The following KCNT1 variants were observed in gnomAD, a reference collection of about 807,000 sequenced individuals.
KCNT1 encodes the protein potassium channel subfamily T member 1.
KCNT1 carries 78 observed loss-of-function variants against 147.8 expected under a neutral mutation model. The observed-to-expected ratio is 0.53, with a 90% CI of 0.44 to 0.64. The LOEUF (loss-of-function observed/expected upper bound fraction) is 0.64. Ranked by LOEUF, KCNT1 falls within the 30% of genes least tolerant of loss-of-function variation. KCNT1 has a pLI of 0.00. For missense variants in KCNT1, 1,419 were observed against 1,750.3 expected (o/e 0.81, Z 3.38); for synonymous variants, 867 against 748.8 (o/e 1.16, Z -2.58).
In KCNT1 at chr9:135,702,294, C is replaced by G. The variant is rs1442852201; in HGVS notation, c.36C>G (p.Gly12=). 24 of 1,609,060 alleles carry G rather than the reference C, an allele frequency of 1.5e-5. No homozygotes were observed. The highest frequency in any genetic ancestry group is 2.0e-5 in the Non-Finnish European group (24 of 1,178,098). ...CTGACGGGGCGCGGACCCCGGGGGG[C>G]GTCTGCCGGGAGGCGCGCGGCGGGG... ...PLPDGARTPG[G]VCREARGGGY... is the part of the protein sequence containing the mutation. The change falls in exon 1 of 31, where the codon GGC becomes GGG. Residue 12 remains glycine, a synonymous_variant. Transcript: ENST00000371757.
chr9:135,792,267 A>C lies in KCNT1; in HGVS notation c.*106A>C. On this transcript the variant is annotated 3_prime_UTR_variant, in exon 31 of 31. Coordinates refer to ENST00000371757, the MANE Select transcript of KCNT1 (RefSeq NM_020822.3). ...ACTAGCGTGACCCTGGGGATGGCACACTCTACTCACCATGGCTCCTGGGAC... is the reference window on the plus strand; with the variant it reads ...ACTAGCGTGACCCTGGGGATGGCACCCTCTACTCACCATGGCTCCTGGGAC... The C allele has an allele frequency of 7.3e-7, 1 of 1,362,024 alleles. No individual in the cohort carries two copies. The highest frequency in any genetic ancestry group is 1.4e-5 in the South Asian group (1 of 70,086). 84.4% of individuals were successfully genotyped at this position (1,362,024 alleles called of 1,614,324 possible).
At chr9:135,774,410 TG>T (rs1832991098) in intron 19 of KCNT1, among the ~76,000 whole-genome samples, 1 of 139,006 alleles carries the variant, frequency 7.2e-6, no homozygotes. Context: ...CGTGTGTGTG[TG>T]GTGTGTGTCT....
At position 135,740,290 on chromosome 9, in the gene KCNT1, C is replaced by T. The variant is rs528825430; in HGVS notation, c.255-9808C>T. 4.6e-5 allele frequency among the ~76,000 whole-genome samples: 7 copies of T among 152,294 alleles called. No homozygotes were observed. The South Asian group carries it at 1.5e-3, about 32-fold the overall frequency. On this transcript the variant is annotated intron_variant, in intron 2 of 30. Transcript: ENST00000371757. Reference sequence around the variant, plus strand: ...GCCTTTGTTGCGTGTGGGAACCTGCCGGGACCTGGCTGTGCTCTGGGCATT... The same window carrying T: ...GCCTTTGTTGCGTGTGGGAACCTGCTGGGACCTGGCTGTGCTCTGGGCATT...
intron 24 of KCNT1, among the ~76,000 whole-genome samples, chr9:135,782,248 C>G (rs951529730): frequency 6.6e-6 from 1 of 152,182 alleles, no homozygotes; most frequent in East Asian, 1.9e-4. Flanking sequence ...AAGGATGCTG[C>G]TGGTGGGGTG....
chr9:135,774,246 CGTGTGTGGT>C (rs373483354), intron 19 of KCNT1, among the ~76,000 whole-genome samples: 7,216 of 120,218 alleles, frequency 0.06, 585 homozygotes, highest in African/African-American at 0.21. Context: ...GGTGTGTGTC[CGTGTGTGGT>C]GTGTGTGGTG....
intron 28 of KCNT1, chr9:135,785,683 C>T (rs1833990144): frequency 1.9e-6 from 1 of 527,646 alleles, no homozygotes; most frequent in South Asian, 2.0e-5. Context: ...AGGTGCCACC[C>T]AGGTGGGATG....
chr9:135,787,869 C>T (rs1036183522), intron 29 of KCNT1, among the ~76,000 whole-genome samples: 4 of 152,168 alleles, frequency 2.6e-5, no homozygotes, highest in South Asian at 2.1e-4. Flanking sequence ...AGGATGATCC[C>T]GCCCGGTCTG....
At chr9:135,717,848 C>T (rs1166613789) in intron 2 of KCNT1, among the ~76,000 whole-genome samples, 1 of 152,240 alleles carries the variant, frequency 6.6e-6, no homozygotes, top group Non-Finnish European at 1.5e-5. Flanking sequence ...TTCCTCAAAC[C>T]TTCTTTGCCC....
At chr9:135,750,588 TC>T (rs1831096062) in intron 3 of KCNT1, 8 of 354,184 alleles carry the variant, frequency 2.3e-5, no homozygotes, top group Middle Eastern at 8.6e-4. Context: ...GGCATCATGC[TC>T]CCCCCGGGAT....
intron 2 of KCNT1, among the ~76,000 whole-genome samples, chr9:135,726,012 C>T (rs1243375736): frequency 6.6e-6 from 1 of 152,052 alleles, no homozygotes; most frequent in Admixed American, 6.5e-5. Flanking sequence ...TGTGGGGGCT[C>T]GGAGTGGCCA....
chr9:135,764,765 G>A (rs886734394), intron 11 of KCNT1, among the ~76,000 whole-genome samples: 4 of 152,048 alleles, frequency 2.6e-5, no homozygotes, highest in South Asian at 2.1e-4. Flanking sequence ...CCCCACCCTC[G>A]GTTTACTCCA....
intron 2 of KCNT1, among the ~76,000 whole-genome samples, chr9:135,717,973 G>GA: frequency 6.6e-6 from 1 of 152,348 alleles, no homozygotes; most frequent in East Asian, 1.9e-4. Flanking sequence ...ATGCTGACAG[G>GA]GGTCCTGAGG....
intron 9 of KCNT1, among the ~76,000 whole-genome samples, chr9:135,758,156 T>G (rs895774610): frequency 2.7e-5 from 4 of 145,620 alleles, no homozygotes; most frequent in Non-Finnish European, 6.0e-5. Flanking sequence ...CCCGTGGGCC[T>G]CAGCCGAGAC....
At position 135,752,568 on chromosome 9, in the gene KCNT1, A is replaced by G. The variant is rs1011463348; in HGVS notation, c.435-1369A>G. On this transcript the variant is annotated intron_variant, in intron 4 of 30. Transcript: ENST00000371757. This position sits in a 1 kb window ranked among gnomAD's most constrained non-coding sequence, Gnocchi z 5.1. ...CGTCCCCTAGCACAGCGTCCAGGAC[A>G]TGGATGGGGGTGGGAAGATGGGTGG... is the stretch of plus-strand genomic sequence containing the variant. The G allele has an allele frequency of 8.0e-6, 3 of 377,060 alleles. No individual in the cohort carries two copies. Among genetic ancestry groups the G allele is most frequent in the South Asian group, 1.9e-5 (1 of 51,360 alleles). The allele number at this position is 377,060 out of a possible 1,614,324, so 23.4% of individuals were successfully genotyped here.
In KCNT1 at chr9:135,730,314, A is replaced by G. The variant is rs1658668705; in HGVS notation, c.254+15594A>G. Reference sequence around the variant, plus strand: ...TGGGCCAAATAATGCTCCCCTGAAGATGTCCATGTCCTGATCCCAGAAACC... The same window carrying G: ...TGGGCCAAATAATGCTCCCCTGAAGGTGTCCATGTCCTGATCCCAGAAACC... On this transcript the variant is annotated intron_variant, in intron 2 of 30. Coordinates refer to ENST00000371757, the MANE Select transcript of KCNT1 (RefSeq NM_020822.3). This position sits in a 1 kb window ranked among gnomAD's most constrained non-coding sequence, Gnocchi z 4.7. Among the ~76,000 whole-genome samples the G allele has an allele frequency of 6.6e-6, 1 of 152,134 alleles. No homozygotes were observed. Among genetic ancestry groups the G allele is most frequent in the Non-Finnish European group, 1.5e-5 (1 of 68,034 alleles).
At chr9:135,725,465 C>T (rs569584312) in intron 2 of KCNT1, among the ~76,000 whole-genome samples, 13 of 152,354 alleles carry the variant, frequency 8.5e-5, no homozygotes, top group African/African-American at 3.1e-4. Flanking sequence ...AGTGACGCTA[C>T]CACGAGCCCA....
rs1834606944 is a variant in KCNT1, at chr9:135,792,394, A to C, written c.*233A>C. 2 of 465,614 alleles carry C rather than the reference A, an allele frequency of 4.3e-6. No individual in the cohort carries two copies. The highest frequency in any genetic ancestry group is 3.7e-5 in the Admixed American group (1 of 27,288). 28.8% of individuals were successfully genotyped at this position (465,614 alleles called of 1,614,324 possible). A position where few individuals can be genotyped will look rare whatever the true frequency, so the allele number is the denominator to read the frequency against. On this transcript the variant is annotated 3_prime_UTR_variant, in exon 31 of 31. Transcript: ENST00000371757. Reference sequence around the variant, plus strand: ...TTTTTTAACCTATTTTTACACGTCGATGCAGTCCACTTCTCTTTACACAGA... The same window carrying C: ...TTTTTTAACCTATTTTTACACGTCGCTGCAGTCCACTTCTCTTTACACAGA...
rs368480443 is a variant in KCNT1, at chr9:135,769,943, G to A, written c.1511-4G>A. On this transcript the variant is annotated splice_region_variant and splice_polypyrimidine_tract_variant and intron_variant, in intron 15 of 30. Coordinates refer to ENST00000371757, the MANE Select transcript of KCNT1 (RefSeq NM_020822.3). ...GGTGGACCGGCCTCCCCCACTGCCC[G>A]CAGACCACGTGGTGTGTGAGGAGGA... 4.3e-5 allele frequency: 66 copies of A among 1,548,486 alleles called. No homozygotes were observed. In the African/African-American group the frequency reaches 5.2e-4, roughly 12 times the overall value.
rs1232696041 is a variant in KCNT1, at chr9:135,723,992, C to T, written c.254+9272C>T. Among the ~76,000 whole-genome samples, 7 of 152,194 alleles carry T rather than the reference C, an allele frequency of 4.6e-5. No individual in the cohort carries two copies. In the East Asian group the frequency reaches 1.2e-3, roughly 25 times the overall value. On this transcript the variant is annotated intron_variant, in intron 2 of 30. Transcript: ENST00000371757. ...ATCCCTGCCACCTTCACTCTGAGCC[C>T]GTCTCTTCCTCTCCAGGTTTTCATA...
Sources: gnomAD v4.1 joint callset for allele counts (sites outside exome capture counted in the v4.1 genomes callset) on GRCh38, gnomAD v4.1.1 for gene constraint, Gnocchi (gnomAD v3.1) non-coding constraint, MANE v1.5 for transcripts, NCBI Gene and HGNC (gene_info 2026-07-23, HGNC 2026-07-21) for gene names.